The following HDAC9 variants were observed in gnomAD, a reference collection of about 807,000 sequenced individuals.
HDAC9 encodes MEF-2 interacting transcription repressor (MITR) protein.
In HDAC9, 41 loss-of-function variants were observed where a neutral mutation model predicts 139.4. The ratio of observed to expected loss-of-function variants is 0.29; its 90% CI spans 0.23 to 0.38. HDAC9 has a LOEUF of 0.38. Among genes scored for constraint, HDAC9 ranks in the 10% least tolerant of loss-of-function variants. The pLI is 1.00. For synonymous variants in HDAC9, 517 were observed against 476.2 expected (o/e 1.09, Z -1.12); for missense variants, 1,147 against 1,297.0 (o/e 0.88, Z 1.78).
chr7:18,865,615 G>C (rs1798433499), intron 21 of HDAC9, among the ~76,000 whole-genome samples: 1 of 152,106 alleles, frequency 6.6e-6, no homozygotes, highest in African/African-American at 2.4e-5. Context: ...GGCCTGTGTT[G>C]TGTGAGGCAC....
At chr7:18,636,625 G>A (rs572414994) in intron 8 of HDAC9, among the ~76,000 whole-genome samples, 2 of 151,878 alleles carry the variant, frequency 1.3e-5, no homozygotes, top group African/African-American at 4.8e-5. Flanking sequence ...GCCTCTACAT[G>A]GTCTTCAGGT....
intron 2 of HDAC9, among the ~76,000 whole-genome samples, chr7:18,571,430 G>T (rs149102348): frequency 1.3e-5 from 2 of 152,076 alleles, no homozygotes; most frequent in East Asian, 1.9e-4. Context: ...ATAGAACCTT[G>T]GTTCCTCCTC....
intron 25 of HDAC9, among the ~76,000 whole-genome samples, chr7:18,991,301 A>T (rs1785918766): frequency 6.6e-6 from 1 of 152,232 alleles, no homozygotes; most frequent in African/African-American, 2.4e-5. Flanking sequence ...GAACTAATAT[A>T]TGAATTAGTT....
At chr7:18,487,888 C>CA (rs1236437140) in intron 1 of HDAC9, among the ~76,000 whole-genome samples, 1 of 151,926 alleles carries the variant, frequency 6.6e-6, no homozygotes, top group Non-Finnish European at 1.5e-5. Flanking sequence ...GTATCTGCTA[C>CA]AATTATGTTA....
intron 2 of HDAC9, among the ~76,000 whole-genome samples, chr7:18,231,834 G>T (rs558838387): frequency 3.3e-5 from 5 of 152,242 alleles, no homozygotes; most frequent in African/African-American, 1.2e-4. Flanking sequence ...AGTACTACTC[G>T]ATTTGAGTGT....
chr7:18,256,895 C>CTGGG (rs1795281803), intron 2 of HDAC9, among the ~76,000 whole-genome samples: 1 of 151,710 alleles, frequency 6.6e-6, no homozygotes, highest in Non-Finnish European at 1.5e-5. Flanking sequence ...TGAGACCAGA[C>CTGGG]TGGGCAACAT....
At chr7:18,672,023 G>C (rs1441347533) in intron 12 of HDAC9, among the ~76,000 whole-genome samples, 3 of 151,974 alleles carry the variant, frequency 2.0e-5, no homozygotes, top group Non-Finnish European at 4.4e-5. Context: ...GATCATTCGT[G>C]TACAAGGCTT....
intron 2 of HDAC9, among the ~76,000 whole-genome samples, chr7:18,173,681 G>A (rs963627545): frequency 3.3e-5 from 5 of 152,150 alleles, no homozygotes; most frequent in African/African-American, 1.2e-4. Flanking sequence ...TTGCTTGTCT[G>A]TAAAGGATTT....
At chr7:18,449,016 G>T (rs1166716127) in intron 1 of HDAC9, among the ~76,000 whole-genome samples, 1 of 152,096 alleles carries the variant, frequency 6.6e-6, no homozygotes, top group Non-Finnish European at 1.5e-5. Flanking sequence ...TGAAGCCTGT[G>T]ATATAAAATC....
At chr7:18,367,328 T>C (rs1373137075) in intron 1 of HDAC9, among the ~76,000 whole-genome samples, 1 of 151,958 alleles carries the variant, frequency 6.6e-6, no homozygotes, top group African/African-American at 2.4e-5. Context: ...GGGCCTGGGG[T>C]CCCCTGTTCT....
chr7:18,455,758 A>G (rs1793289292), intron 1 of HDAC9, among the ~76,000 whole-genome samples: 1 of 152,188 alleles, frequency 6.6e-6, no homozygotes, highest in Admixed American at 6.5e-5. Flanking sequence ...AATCTCCACC[A>G]TAAATTATTG....
chr7:18,515,049 T>C (rs1057346145), intron 2 of HDAC9, among the ~76,000 whole-genome samples: 1 of 152,216 alleles, frequency 6.6e-6, no homozygotes, highest in African/African-American at 2.4e-5. Flanking sequence ...TTCATAACTT[T>C]TTCTAAACTC....
intron 5 of HDAC9, among the ~76,000 whole-genome samples, chr7:18,593,580 A>T (rs1054625055): frequency 1.4e-4 from 21 of 152,158 alleles, no homozygotes; most frequent in African/African-American, 4.6e-4. Flanking sequence ...TGAGATGATG[A>T]CTTTTCCCCT....
intron 1 of HDAC9, among the ~76,000 whole-genome samples, chr7:18,089,098 A>C (rs1264198748): frequency 6.6e-6 from 1 of 152,236 alleles, no homozygotes; most frequent in African/African-American, 2.4e-5. Context: ...TAGCTGTGCT[A>C]GTGAATTGAT....
At chr7:18,888,665 CTA>C (rs1800391024) in intron 22 of HDAC9, among the ~76,000 whole-genome samples, 1 of 151,846 alleles carries the variant, frequency 6.6e-6, no homozygotes, top group South Asian at 2.1e-4. Context: ...CAGATTAAAA[CTA>C]TTATTTCTCT....
At chr7:18,826,781 C>G (rs1361251082) in intron 17 of HDAC9, among the ~76,000 whole-genome samples, 1 of 150,932 alleles carries the variant, frequency 6.6e-6, no homozygotes, top group African/African-American at 2.4e-5. Context: ...TTCTAAAATC[C>G]TTTCTTCTTT....
At chr7:18,175,005 C>T (rs554990581) in intron 2 of HDAC9, among the ~76,000 whole-genome samples, 20 of 152,304 alleles carry the variant, frequency 1.3e-4, no homozygotes, top group African/African-American at 4.6e-4. Flanking sequence ...CAGAAGGGGA[C>T]GTTTAAGTCT....
chr7:18,103,470 C>A (rs1251982536), intron 1 of HDAC9, among the ~76,000 whole-genome samples: 1 of 152,150 alleles, frequency 6.6e-6, no homozygotes, highest in Non-Finnish European at 1.5e-5. Context: ...GGAGGTTTTT[C>A]AGCCCTTTGC....
intron 2 of HDAC9, among the ~76,000 whole-genome samples, chr7:18,565,679 A>G (rs1822090427): frequency 6.6e-6 from 1 of 152,230 alleles, no homozygotes; most frequent in Non-Finnish European, 1.5e-5. Context: ...CAGCCAAAAA[A>G]CAAAGGTGCA....
Sources: gnomAD v4.1 joint callset for allele counts (sites outside exome capture counted in the v4.1 genomes callset) on GRCh38, gnomAD v4.1.1 for gene constraint, MANE v1.5 for transcripts, NCBI Gene and HGNC (gene_info 2026-07-23, HGNC 2026-07-21) for gene names.